The following AZGP1 variants were observed in gnomAD, a reference collection of about 807,000 sequenced individuals.
The protein encoded by AZGP1 is alpha-2-glycoprotein 1, zinc-binding, also known as zinc-alpha-2-glycoprotein.
A neutral mutation model predicts 31.5 loss-of-function variants in AZGP1; 28 were observed. That is an observed-to-expected ratio of 0.89 (90% CI 0.66 to 1.22). AZGP1 has a LOEUF of 1.22. AZGP1 is among the 50% of genes most tolerant of loss of function. The pLI, the probability that AZGP1 is intolerant of heterozygous loss-of-function variation, is 0.00. For missense variants in AZGP1, 361 were observed against 371.8 expected, an observed-to-expected ratio of 0.97 and a Z score of 0.24; for synonymous variants, 135 against 145.4, an observed-to-expected ratio of 0.93 and a Z score of 0.51.
chr7:99,975,603 A>T (rs1399051081), intron 1 of AZGP1, among the ~76,000 whole-genome samples: 2 of 152,028 alleles, frequency 1.3e-5, no homozygotes, highest in Non-Finnish European at 2.9e-5. Context: ...CAGCCATCGG[A>T]AGGAGGGAAG....
intron 3 of AZGP1, chr7:99,967,499 C>T (rs1310663572): frequency 5.0e-6 from 3 of 597,614 alleles, no homozygotes; most frequent in East Asian, 2.8e-5. Context: ...TTGACTCTGA[C>T]GGCAATAAGT....
chr7:99,969,030 T>C (rs1584299441), intron 2 of AZGP1, among the ~76,000 whole-genome samples: 1 of 138,680 alleles, frequency 7.2e-6, no homozygotes, highest in East Asian at 2.2e-4. Context: ...TCCCAGCACT[T>C]TGAGAGGCTG....
At chr7:99,973,816 T>A (rs977173184) in intron 1 of AZGP1, among the ~76,000 whole-genome samples, 1 of 149,216 alleles carries the variant, frequency 6.7e-6, no homozygotes, top group Admixed American at 6.8e-5. Context: ...CTCAGAAGGC[T>A]GAGGCAGGAG....
intron 3 of AZGP1, 122 bp from the exon 4 acceptor site, chr7:99,967,408 C>G (rs935637510): frequency 2.6e-6 from 3 of 1,137,492 alleles, no homozygotes; most frequent in African/African-American, 3.4e-5. Context: ...TACCTGCCCA[C>G]CCCCAGCCCC....
chr7:99,968,491 A>G (rs1179420461), intron 2 of AZGP1, 61 bp from the exon 3 acceptor site: 1 of 1,584,016 alleles, frequency 6.3e-7, no homozygotes, highest in Non-Finnish European at 8.5e-7. Context: ...TATCAAAATA[A>G]CTCTTAGTCT....
At chr7:99,972,638 C>T (rs1387641764) in intron 1 of AZGP1, among the ~76,000 whole-genome samples, 1 of 152,048 alleles carries the variant, frequency 6.6e-6, no homozygotes, top group Admixed American at 6.6e-5. Context: ...CATGGTGAAA[C>T]CCCATCTCTA....
intron 1 of AZGP1, among the ~76,000 whole-genome samples, chr7:99,975,241 A>C (rs920292158): frequency 2.0e-5 from 3 of 152,120 alleles, no homozygotes; most frequent in African/African-American, 4.8e-5. Flanking sequence ...AATCAGATTA[A>C]CATTCCAAAG....
At chr7:99,968,493 T>C (rs1479374147) in intron 2 of AZGP1, 63 bp from the exon 3 acceptor site, 3 of 1,582,230 alleles carry the variant, frequency 1.9e-6, no homozygotes, top group African/African-American at 2.8e-5. Flanking sequence ...TCAAAATAAC[T>C]CTTAGTCTTG....
chr7:99,967,533 C>A, intron 3 of AZGP1: 1 of 559,764 alleles, frequency 1.8e-6, no homozygotes. Context: ...TGTGCTTCTC[C>A]ATGTTTTCCC....
At chr7:99,967,505 T>A (rs1415181352) in intron 3 of AZGP1, 6 of 598,742 alleles carry the variant, frequency 1.0e-5, no homozygotes, top group African/African-American at 9.3e-5. Flanking sequence ...CTGACGGCAA[T>A]AAGTTGTGAA....
At chr7:99,974,053 A>C (rs1789620232) in intron 1 of AZGP1, among the ~76,000 whole-genome samples, 1 of 151,620 alleles carries the variant, frequency 6.6e-6, no homozygotes, top group Non-Finnish European at 1.5e-5. Flanking sequence ...TGAGTGGATC[A>C]CTTGAGGTCA....
At position 99,968,137 on chromosome 7, in the gene AZGP1, G is replaced by A; in HGVS notation, c.613+18C>T. On this transcript the variant is annotated intron_variant, in intron 3 of 3. Coordinates refer to ENST00000292401, the MANE Select transcript of AZGP1 (RefSeq NM_001185.4). ...TTTATTCTGGGCTCAGTACTGGGGA[G>A]CAGGAAGCAGTGAGTACCTTGCCGG... 2.5e-6 allele frequency: 4 copies of A among 1,613,514 alleles called. No homozygotes were observed.
chr7:99,971,456 T>C (rs1313832016), intron 2 of AZGP1: 2 of 339,570 alleles, frequency 5.9e-6, no homozygotes, highest in Non-Finnish European at 5.4e-6. Context: ...CAGCCTCCGA[T>C]GGGTGGGGTG....
chr7:99,974,352 C>G (rs1789625084), intron 1 of AZGP1, among the ~76,000 whole-genome samples: 2 of 151,988 alleles, frequency 1.3e-5, no homozygotes, highest in African/African-American at 4.8e-5. Flanking sequence ...CTTTGGGAGA[C>G]CAAGGCGGGC....
At chr7:99,972,036 G>A (rs371847507) in intron 1 of AZGP1, 30 bp from the exon 2 acceptor site, 260 of 1,576,792 alleles carry the variant, frequency 1.6e-4, no homozygotes, top group Non-Finnish European at 2.2e-4. Context: ...GATGGTTGAG[G>A]TCCATGCAAG....
Position 99,968,423 on chromosome 7 carries a change from G to A in AZGP1, c.345C>T (p.His115=), listed in dbSNP as rs773558891. 1.1e-5 allele frequency: 17 copies of A among 1,613,358 alleles called. No homozygotes were observed. Among genetic ancestry groups the A allele is most frequent in the South Asian group, 9.9e-5 (9 of 90,992 alleles). The part of the protein sequence containing the change: ...VEYYNDSNGS[H]VLQGRFGCEI... ...CACAACCAAACCTTCCCTGCAATAC[G>A]TGAGACCCTGAAAACTCCCCCGACC... is the stretch of plus-strand genomic sequence containing the variant. The change falls in exon 3 of 4, where the codon CAC becomes CAT. Residue 115 remains histidine, a synonymous_variant. Transcript: ENST00000292401.
At chr7:99,968,838 C>A in intron 2 of AZGP1, 1 of 191,172 alleles carries the variant, frequency 5.2e-6, no homozygotes, top group Non-Finnish European at 1.1e-5. Flanking sequence ...TGGTGCATGC[C>A]TGTAGCCCCA....
chr7:99,966,767 C>T lies in AZGP1; in HGVS notation c.*236G>A. On this transcript the variant is annotated 3_prime_UTR_variant, in exon 4 of 4. Transcript: ENST00000292401. The stretch of plus-strand genomic sequence containing the variant: ...AGGGATGATTATTTATTAGCTTCTA[C>T]AGATTAGACAATGGGGTGGGGGTGG... 1 of 579,364 alleles carries T rather than the reference C, an allele frequency of 1.7e-6. No individual in the cohort carries two copies. The highest frequency in any genetic ancestry group is 2.9e-5 in the East Asian group (1 of 34,994). 35.9% of individuals were successfully genotyped at this position (579,364 alleles called of 1,614,324 possible).
chr7:99,975,866 C>A, intron 1 of AZGP1, 79 bp downstream of exon 1: 1 of 1,515,622 alleles, frequency 6.6e-7, no homozygotes, highest in Non-Finnish European at 9.1e-7. Flanking sequence ...CTGCATCCAG[C>A]CTGTCTCCCA....
Sources: allele counts gnomAD v4.1 joint callset (sites outside exome capture counted in the v4.1 genomes callset), GRCh38; gene constraint gnomAD v4.1.1; transcripts MANE v1.5; gene names NCBI Gene and HGNC (gene_info 2026-07-23, HGNC 2026-07-21).